The following HDAC4 variants were observed in gnomAD, a reference collection of about 807,000 sequenced individuals.
HDAC4 encodes the protein histone deacetylase A.
A neutral mutation model predicts 135.1 loss-of-function variants in HDAC4; 16 were observed. That is an observed-to-expected ratio of 0.12 (90% CI 0.08 to 0.18). The LOEUF is 0.18. Among genes scored for constraint, HDAC4 ranks in the 10% least tolerant of loss-of-function variants. The probability of loss-of-function intolerance (pLI) is 1.00; values close to 1 mark genes in which losing one functional copy is unlikely to be tolerated. For synonymous variants in HDAC4, 685 were observed against 653.4 expected (o/e 1.05, Z -0.74); for missense variants, 1,143 against 1,511.8 (o/e 0.76, Z 4.05).
At chr2:239,320,274 C>T (rs1042278194) in intron 2 of HDAC4, among the ~76,000 whole-genome samples, 5 of 149,494 alleles carry the variant, frequency 3.3e-5, no homozygotes, top group East Asian at 4.0e-4. Context: ...CCCAGCTACT[C>T]GGGAGGGTGA....
rs567888092 is a variant in HDAC4, at chr2:239,235,257, C to A, written c.94+1336G>T. On this transcript the variant is annotated intron_variant, in intron 3 of 26. Transcript: ENST00000543185. ...CACAGAGAGCCTTCCCGGAGCAGGG[C>A]AAAGACACCTCCAGAACTCCGGGTT... Among the ~76,000 whole-genome samples the A allele has an allele frequency of 7.5e-4, 114 of 152,178 alleles. 1 individual carries two copies. The highest frequency in any genetic ancestry group is 2.7e-3 in the African/African-American group (111 of 41,516).
intron 2 of HDAC4, among the ~76,000 whole-genome samples, chr2:239,248,907 G>A (rs1262305617): frequency 5.3e-5 from 8 of 152,198 alleles, no homozygotes; most frequent in Non-Finnish European, 1.0e-4. Flanking sequence ...CTGAACTAGC[G>A]ATTAAGTGAT....
chr2:239,376,423 G>A (rs918787284), intron 1 of HDAC4, among the ~76,000 whole-genome samples: 8 of 151,080 alleles, frequency 5.3e-5, no homozygotes, highest in African/African-American at 2.0e-4. Context: ...TCCTGATGGT[G>A]CCCAGATGTG....
chr2:239,286,476 A>T (rs760227759), intron 2 of HDAC4, among the ~76,000 whole-genome samples: 1 of 152,212 alleles, frequency 6.6e-6, no homozygotes, highest in African/African-American at 2.4e-5. Context: ...TTGAAAACCC[A>T]TAAGAGCCAC....
intron 2 of HDAC4, among the ~76,000 whole-genome samples, chr2:239,334,912 C>T (rs1009152916): frequency 2.0e-5 from 3 of 150,602 alleles, no homozygotes; most frequent in African/African-American, 4.9e-5. Context: ...GTAGTCCCAG[C>T]TGCTGGGGAG....
intron 16 of HDAC4, among the ~76,000 whole-genome samples, chr2:239,097,413 C>T (rs1189038784): frequency 6.6e-6 from 1 of 152,252 alleles, no homozygotes; most frequent in Non-Finnish European, 1.5e-5. Flanking sequence ...CTCACGGACC[C>T]GCCACTGCCT....
rs573222408 is a variant in HDAC4 at position 239,102,794 on chromosome 2, C to G, written c.2215G>C (p.Asp739His). Residue 739 changes from aspartate to histidine, a missense_variant, in exon 16 of 27, where the codon GAC becomes CAC. Around this residue, in one of 9 missense-constraint regions of HDAC4, gnomAD observed 49 missense variants for 55.6 expected, o/e 0.88. Coordinates refer to ENST00000543185, the MANE Select transcript of HDAC4 (RefSeq NM_001378414.1). ...GTNPLNRQKL[D>H]SKKLLGSLAS... ...GAAATACCTAGAAGTTTCTTACTGT[C>G]CAGTTTCTGCCGGTTGAGGGGGTTC... The G allele has an allele frequency of 6.2e-7, 1 of 1,613,912 alleles. No homozygotes were observed. The highest frequency in any genetic ancestry group is 1.1e-5 in the South Asian group (1 of 91,080).
intron 2 of HDAC4, among the ~76,000 whole-genome samples, chr2:239,244,189 C>G (rs1165255314): frequency 2.6e-5 from 4 of 152,176 alleles, no homozygotes; most frequent in Non-Finnish European, 5.9e-5. Context: ...AAAGAAAGAG[C>G]TTAGCCTTAA....
chr2:239,327,910 C>G (rs917041150), intron 2 of HDAC4, among the ~76,000 whole-genome samples: 1 of 152,228 alleles, frequency 6.6e-6, no homozygotes, highest in Non-Finnish European at 1.5e-5. Flanking sequence ...CCTTCCCATG[C>G]TCTCCCCGCA....
intron 1 of HDAC4, among the ~76,000 whole-genome samples, chr2:239,389,328 T>C (rs1696040885): frequency 6.6e-6 from 1 of 152,204 alleles, no homozygotes; most frequent in African/African-American, 2.4e-5. Context: ...TGCTGTTCAC[T>C]CTTTGGGTCC....
intron 3 of HDAC4, among the ~76,000 whole-genome samples, chr2:239,235,179 G>A (rs1175504378): frequency 3.3e-5 from 5 of 151,796 alleles, no homozygotes; most frequent in Non-Finnish European, 4.4e-5. Context: ...AAAACAGACA[G>A]AAAGGAGCCC....
rs550678265 is a variant in HDAC4, at chr2:239,190,182, G to GT, written c.95-106_95-105insA. On this transcript the variant is annotated intron_variant, in intron 3 of 26. Transcript: ENST00000543185. ...TGGCCACCTTCACGGGGCGGGGGGG[G>GT]GGTTGTGACCATTTGAGGATTGGAT... 2.8e-6 allele frequency: 4 copies of GT among 1,411,898 alleles called. No individual in the cohort carries two copies. In the Admixed American group the frequency reaches 9.2e-5, roughly 32 times the overall value. 87.5% of individuals were successfully genotyped at this position (1,411,898 alleles called of 1,614,324 possible).
intron 16 of HDAC4, among the ~76,000 whole-genome samples, chr2:239,097,820 TG>T (rs953064784): frequency 3.9e-5 from 6 of 152,226 alleles, no homozygotes; most frequent in Admixed American, 1.3e-4. Flanking sequence ...AGTGGGCGGG[TG>T]CTGCCTTGGA....
intron 3 of HDAC4, among the ~76,000 whole-genome samples, chr2:239,213,892 T>G (rs1378122306): frequency 6.6e-6 from 1 of 152,218 alleles, no homozygotes; most frequent in Non-Finnish European, 1.5e-5. Context: ...GCAAAGCATG[T>G]GCCTAACCGC....
At chr2:239,300,026 GGCATTTCTGCTCCTTGT>G (rs1446089346) in intron 2 of HDAC4, among the ~76,000 whole-genome samples, 6 of 152,116 alleles carry the variant, frequency 3.9e-5, no homozygotes, top group Non-Finnish European at 5.9e-5. Context: ...TGCCACTGAG[GGCATTTCTGCTCCTTGT>G]GACTAAGTGA....
intron 17 of HDAC4, 26 bp downstream of exon 17, chr2:239,094,984 T>C (rs2036875707): frequency 3.1e-6 from 5 of 1,613,758 alleles, no homozygotes; most frequent in Non-Finnish European, 4.2e-6. Flanking sequence ...AACAGGACAT[T>C]ATTTACACAT....
intron 15 of HDAC4, among the ~76,000 whole-genome samples, chr2:239,105,856 GCTGGCACTGGAAGT>G (rs1559437256): frequency 6.6e-6 from 1 of 152,158 alleles, no homozygotes; most frequent in Non-Finnish European, 1.5e-5. Flanking sequence ...CCCCTGGCAG[GCTGGCACTGGAAGT>G]CTGGTGGGTG....
intron 3 of HDAC4, among the ~76,000 whole-genome samples, chr2:239,199,559 A>C (rs2045624510): frequency 6.6e-6 from 1 of 152,032 alleles, no homozygotes; most frequent in Non-Finnish European, 1.5e-5. Flanking sequence ...GCAGCCTCCA[A>C]ACTCGAGCAG....
chr2:239,368,176 T>A (rs1694351634), intron 1 of HDAC4, among the ~76,000 whole-genome samples: 1 of 152,178 alleles, frequency 6.6e-6, no homozygotes, highest in African/African-American at 2.4e-5. Context: ...GAGTCCATGC[T>A]AATTTGCAGG....
Sources: allele counts gnomAD v4.1 joint callset (sites outside exome capture counted in the v4.1 genomes callset), GRCh38; gene constraint gnomAD v4.1.1; regional missense constraint gnomAD v4.1.1; transcripts MANE v1.5; gene names NCBI Gene and HGNC (gene_info 2026-07-23, HGNC 2026-07-21).